The following EPHA6 variants were observed in gnomAD, a reference collection of about 807,000 sequenced individuals.
The protein encoded by EPHA6 is ephrin type-A receptor 6.
In EPHA6, 50 loss-of-function variants were observed where a neutral mutation model predicts 112.0. The ratio of observed to expected loss-of-function variants is 0.45; its 90% CI spans 0.36 to 0.56. The LOEUF (loss-of-function observed/expected upper bound fraction) is 0.56, where lower values mean the gene tolerates loss of function less well. Among genes scored for constraint, EPHA6 ranks in the 20% least tolerant of loss-of-function variants. EPHA6 has a pLI of 0.00. For synonymous variants in EPHA6, 529 were observed against 490.7 expected (o/e 1.08, Z -1.03); for missense variants, 1,280 against 1,417.4 (o/e 0.90, Z 1.56).
chr3:96,843,803 A>G (rs1381734674), intron 1 of EPHA6, among the ~76,000 whole-genome samples: 4 of 152,102 alleles, frequency 2.6e-5, no homozygotes, highest in Non-Finnish European at 5.9e-5. Context: ...AAAGAAAAGT[A>G]TGCCTTAACA....
chr3:96,832,610 A>G (rs1445784133), intron 1 of EPHA6, among the ~76,000 whole-genome samples: 3 of 152,104 alleles, frequency 2.0e-5, no homozygotes, highest in African/African-American at 4.8e-5. Flanking sequence ...TGGTTAAAAG[A>G]GAAAACTTGT....
At chr3:97,599,730 G>C (rs1442915889) in intron 12 of EPHA6, among the ~76,000 whole-genome samples, 4 of 152,164 alleles carry the variant, frequency 2.6e-5, no homozygotes, top group African/African-American at 9.6e-5. Flanking sequence ...TTTTGGCTTA[G>C]GATTGACTTG....
intron 15 of EPHA6, among the ~76,000 whole-genome samples, chr3:97,731,738 A>G (rs2035044886): frequency 6.6e-6 from 1 of 152,104 alleles, no homozygotes; most frequent in Non-Finnish European, 1.5e-5. Context: ...AACTTGACAC[A>G]TAATAAACTC....
intron 14 of EPHA6, among the ~76,000 whole-genome samples, chr3:97,682,204 T>C (rs1043019806): frequency 6.6e-6 from 1 of 152,056 alleles, no homozygotes; most frequent in East Asian, 1.9e-4. Context: ...TGTTAAGCTA[T>C]GAGGCAGTAC....
At chr3:97,036,374 C>A (rs2045094539) in intron 3 of EPHA6, among the ~76,000 whole-genome samples, 1 of 151,758 alleles carries the variant, frequency 6.6e-6, no homozygotes, top group Non-Finnish European at 1.5e-5. Context: ...TAATAAACAC[C>A]AAATAGTATA....
chr3:96,969,432 C>T (rs7613822), intron 2 of EPHA6, among the ~76,000 whole-genome samples: 2,000 of 151,854 alleles, frequency 0.013, 47 homozygotes, highest in African/African-American at 0.044. Flanking sequence ...AAGCTTTGAC[C>T]TTCCAAGAAC....
chr3:97,069,367 G>A (rs9848688), intron 3 of EPHA6, among the ~76,000 whole-genome samples: 11,558 of 152,146 alleles, frequency 0.076, 480 homozygotes, highest in Middle Eastern at 0.13. Flanking sequence ...AGAAGAGGAA[G>A]GGTTGGTTTT....
chr3:97,506,659 C>A lies in EPHA6; in HGVS notation c.2200+22600C>A, dbSNP rs141523777. ...CTTTTTGGTTAGGATTGTCTTGGCTCTACAGGCTCTTTTTTAATTCCACGT... is the reference window on the plus strand; with the variant it reads ...CTTTTTGGTTAGGATTGTCTTGGCTATACAGGCTCTTTTTTAATTCCACGT... On this transcript the variant is annotated intron_variant, in intron 10 of 17. Coordinates refer to ENST00000389672, the MANE Select transcript of EPHA6 (RefSeq NM_001080448.3). Among the ~76,000 whole-genome samples, 996 of 151,936 alleles carry A rather than the reference C, an allele frequency of 6.6e-3. 12 individuals are homozygous for A. Among genetic ancestry groups the A allele is most frequent in the African/African-American group, 0.022 (916 of 41,516 alleles).
At chr3:97,397,698 C>T (rs2109091266) in intron 5 of EPHA6, among the ~76,000 whole-genome samples, 1 of 151,596 alleles carries the variant, frequency 6.6e-6, no homozygotes, top group Middle Eastern at 3.4e-3. Context: ...AAACTTTATG[C>T]ATGAACCGTG....
At chr3:97,536,656 A>G (rs1171875552) in intron 11 of EPHA6, among the ~76,000 whole-genome samples, 2 of 152,178 alleles carry the variant, frequency 1.3e-5, no homozygotes, top group African/African-American at 4.8e-5. Context: ...GTAAGAGAGT[A>G]GATTCAAGCC....
chr3:97,357,806 T>C (rs1237570681), intron 5 of EPHA6, among the ~76,000 whole-genome samples: 1 of 152,194 alleles, frequency 6.6e-6, no homozygotes, highest in African/African-American at 2.4e-5. Context: ...TAAAGTAAGC[T>C]AGAGAAAACA....
intron 1 of EPHA6, among the ~76,000 whole-genome samples, chr3:96,820,856 A>G (rs576980075): frequency 2.0e-5 from 3 of 152,134 alleles, no homozygotes; most frequent in Non-Finnish European, 2.9e-5. Context: ...TCATATGGCA[A>G]CATAGTAAGC....
intron 5 of EPHA6, among the ~76,000 whole-genome samples, chr3:97,319,754 A>AT (rs1309472831): frequency 6.6e-6 from 1 of 151,666 alleles, no homozygotes; most frequent in Non-Finnish European, 1.5e-5. Context: ...TAAAGCCTCC[A>AT]TTTTTTCTTA....
intron 3 of EPHA6, among the ~76,000 whole-genome samples, chr3:97,196,935 C>G (rs893458981): frequency 2.6e-5 from 4 of 152,010 alleles, no homozygotes; most frequent in Non-Finnish European, 4.4e-5. Flanking sequence ...GACCTGAATC[C>G]AGCATAGCAC....
intron 1 of EPHA6, among the ~76,000 whole-genome samples, chr3:96,854,002 TTAAAG>T (rs1365085557): frequency 1.6e-4 from 24 of 152,126 alleles, no homozygotes; most frequent in African/African-American, 4.3e-4. Flanking sequence ...GCCAGAATAC[TTAAAG>T]TATTCTGTGT....
chr3:97,162,834 C>T (rs1276920108), intron 3 of EPHA6, among the ~76,000 whole-genome samples: 2 of 152,150 alleles, frequency 1.3e-5, no homozygotes, highest in East Asian at 3.9e-4. Context: ...TGACTTGGAA[C>T]TTAGTGTTAG....
chr3:97,176,959 CAA>C (rs2076853607), intron 3 of EPHA6, among the ~76,000 whole-genome samples: 1 of 151,100 alleles, frequency 6.6e-6, no homozygotes, highest in African/African-American at 2.4e-5. Flanking sequence ...TCTAGTTCTT[CAA>C]GATGCATCAT....
chr3:97,117,995 A>G (rs1394086353), intron 3 of EPHA6, among the ~76,000 whole-genome samples: 3 of 151,810 alleles, frequency 2.0e-5, no homozygotes, highest in Admixed American at 1.3e-4. Context: ...CTTTAAAATC[A>G]TCCACTGAAA....
chr3:96,872,030 A>G (rs1028515291), intron 2 of EPHA6, among the ~76,000 whole-genome samples: 1 of 152,216 alleles, frequency 6.6e-6, no homozygotes, highest in African/African-American at 2.4e-5. Flanking sequence ...ACTCACTTGG[A>G]AGCGATAGAT....
Sources: allele counts gnomAD v4.1 joint callset (sites outside exome capture counted in the v4.1 genomes callset), GRCh38; gene constraint gnomAD v4.1.1; transcripts MANE v1.5; gene names NCBI Gene and HGNC (gene_info 2026-07-23, HGNC 2026-07-21).